DSG3: variants seen among roughly 807,000 people sequenced by gnomAD.
DSG3 encodes the protein desmoglein 3, also known as desmoglein-3.
A neutral mutation model predicts 85.9 loss-of-function variants in DSG3; 63 were observed. The observed-to-expected ratio is 0.73, with a 90% CI of 0.60 to 0.90. The LOEUF (loss-of-function observed/expected upper bound fraction) is 0.90, where lower values mean the gene tolerates loss of function less well. Among genes scored for constraint, DSG3 ranks in the 40% least tolerant of loss-of-function variants. The pLI is 0.00. For synonymous variants in DSG3, 447 were observed against 441.9 expected (o/e 1.01, Z -0.14); for missense variants, 1,220 against 1,219.9 (o/e 1.00, Z 0.00).
chr18:31,456,862 G>T (rs2072745368), intron 2 of DSG3, 131 bp from the exon 3 acceptor site: 1 of 822,374 alleles, frequency 1.2e-6, no homozygotes, highest in Non-Finnish European at 1.9e-6. Context: ...ATCAGGTAGA[G>T]CTAATTAGAT....
intron 15 of DSG3, 35 bp downstream of exon 15, chr18:31,474,439 T>G: frequency 6.4e-7 from 1 of 1,563,662 alleles, no homozygotes; most frequent in South Asian, 1.2e-5. Context: ...CTTGATTATC[T>G]TATTTACATT....
At chr18:31,467,206 T>C (rs931507286) in intron 11 of DSG3, among the ~76,000 whole-genome samples, 3 of 152,158 alleles carry the variant, frequency 2.0e-5, no homozygotes, top group African/African-American at 4.8e-5. Flanking sequence ...CTAGGTGTGC[T>C]GGCGCATGCC....
intron 1 of DSG3, among the ~76,000 whole-genome samples, chr18:31,448,234 T>G (rs2144255696): frequency 6.6e-6 from 1 of 152,320 alleles, no homozygotes; most frequent in Non-Finnish European, 1.5e-5. Flanking sequence ...TCTTTAAAGT[T>G]ATGCTTTTAC....
chr18:31,462,922 A>C (rs894505296), intron 8 of DSG3, among the ~76,000 whole-genome samples: 1 of 152,204 alleles, frequency 6.6e-6, no homozygotes, highest in Non-Finnish European at 1.5e-5. Flanking sequence ...GCTGGCCTTC[A>C]ACCCTAATTA....
chr18:31,447,972 C>A, intron 1 of DSG3, 47 bp downstream of exon 1: 1 of 1,435,706 alleles, frequency 7.0e-7, no homozygotes, highest in Non-Finnish European at 9.4e-7. Flanking sequence ...CTGCTTCCTC[C>A]CTTGTTAAAG....
chr18:31,450,240 G>A (rs1265423788), intron 1 of DSG3, among the ~76,000 whole-genome samples: 2 of 152,160 alleles, frequency 1.3e-5, no homozygotes. Context: ...GATAAGTATA[G>A]ATGGACGGGC....
chr18:31,476,394 T>C lies in DSG3; in HGVS notation c.*134T>C. On this transcript the variant is annotated 3_prime_UTR_variant, in exon 16 of 16. Transcript: ENST00000257189. Reference sequence around the variant, plus strand: ...AGCTTCTCTCATAAACTGATCACGATTATAAATTAAATGTTTGGGTTCATA... The same window carrying C: ...AGCTTCTCTCATAAACTGATCACGACTATAAATTAAATGTTTGGGTTCATA... 2 of 1,055,958 alleles carry C rather than the reference T, an allele frequency of 1.9e-6. No homozygotes were observed. Among genetic ancestry groups the C allele is most frequent in the Non-Finnish European group, 2.6e-6 (2 of 754,994 alleles). The allele number at this position is 1,055,958 out of a possible 1,614,324, so 65.4% of individuals were successfully genotyped here. A position where few individuals can be genotyped will look rare whatever the true frequency, so the allele number is the denominator to read the frequency against.
chr18:31,461,771 G>A (rs3794924), intron 8 of DSG3, among the ~76,000 whole-genome samples: 15,707 of 152,258 alleles, frequency 0.1, 843 homozygotes, highest in Non-Finnish European at 0.11. Flanking sequence ...TCAGATTGAA[G>A]TTAGGACAAG....
Position 31,474,360 on chromosome 18 carries a change from G to T in DSG3, c.2341G>T (p.Asp781Tyr). 1 of 1,613,502 alleles carries T rather than the reference G, an allele frequency of 6.2e-7. No homozygotes were observed. Among genetic ancestry groups the T allele is most frequent in the Non-Finnish European group, 8.5e-7 (1 of 1,179,676 alleles). ...TGGAGGAACCAATAAGGACTACGCT[G>T]ATGGGGCGATAAGCATGAATTTTCT... is the stretch of plus-strand genomic sequence containing the variant. ...STGGTNKDYA[D>Y]GAISMNFLDS... The change falls in exon 15 of 16, where the codon GAT (aspartate) becomes TAT (tyrosine). Residue 781 changes from aspartate (D) to tyrosine (Y), a missense_variant. Transcript: ENST00000257189.
chr18:31,463,594 A>C (rs957571004), intron 8 of DSG3, among the ~76,000 whole-genome samples: 1 of 152,200 alleles, frequency 6.6e-6, no homozygotes, highest in Non-Finnish European at 1.5e-5. Context: ...AGAATTTTTA[A>C]AGTCAGGAAA....
chr18:31,457,688 C>G (rs923566604), intron 3 of DSG3, among the ~76,000 whole-genome samples: 1 of 150,712 alleles, frequency 6.6e-6, no homozygotes, highest in Admixed American at 6.7e-5. Flanking sequence ...AGTGCTGTGG[C>G]GCGATCTCAG....
intron 12 of DSG3, 66 bp downstream of exon 12, chr18:31,469,415 C>T: frequency 1.9e-6 from 3 of 1,582,304 alleles, no homozygotes; most frequent in South Asian, 1.1e-5. Context: ...CTCCATGCTG[C>T]CCTGCTCATC....
Sources: allele counts gnomAD v4.1 joint callset (sites outside exome capture counted in the v4.1 genomes callset), GRCh38; gene constraint gnomAD v4.1.1; transcripts MANE v1.5; gene names NCBI Gene and HGNC (gene_info 2026-07-23, HGNC 2026-07-21).